FREM1: variants seen among roughly 807,000 people sequenced by gnomAD.
FREM1 encodes the protein FRAS1-related extracellular matrix protein 1.
FREM1 carries 220 observed loss-of-function variants against 210.1 expected under a neutral mutation model. That is an observed-to-expected ratio of 1.05 (90% CI 0.94 to 1.17). The LOEUF (loss-of-function observed/expected upper bound fraction) is 1.17, where lower values mean the gene tolerates loss of function less well. Ranked by LOEUF, FREM1 falls within the 50% of genes most tolerant of loss-of-function variation. The pLI is 0.00. For missense variants in FREM1, 3,454 were observed against 2,675.5 expected, an observed-to-expected ratio of 1.29 and a Z score of -6.42; for synonymous variants, 1,189 against 980.2, an observed-to-expected ratio of 1.21 and a Z score of -3.98.
intron 1 of FREM1, among the ~76,000 whole-genome samples, chr9:14,907,028 T>C (rs1004720616): frequency 4.6e-5 from 7 of 152,310 alleles, no homozygotes; most frequent in African/African-American, 1.4e-4. Flanking sequence ...CCAAATATCA[T>C]CACCTCCATA....
At chr9:14,863,978 C>T (rs1831054062) in intron 2 of FREM1, 75 bp from the exon 3 acceptor site, 2 of 884,588 alleles carry the variant, frequency 2.3e-6, no homozygotes, top group Non-Finnish European at 3.7e-6. Context: ...CAGGAGAGCA[C>T]TGCCTGGAGA....
rs536440955 is a variant in FREM1 at position 14,857,473 on chromosome 9, G to C, written c.828+80C>G. Reference sequence around the variant, plus strand: ...AGCACAGGAACTCTCCCTGGCATGGGGGCGAGCATGAGTAAGCCTGTGTAA... The same window carrying C: ...AGCACAGGAACTCTCCCTGGCATGGCGGCGAGCATGAGTAAGCCTGTGTAA... On this transcript the variant is annotated intron_variant, in intron 5 of 36. Coordinates refer to ENST00000380880, the MANE Select transcript of FREM1 (RefSeq NM_001379081.2). 1.2e-5 allele frequency: 14 copies of C among 1,193,628 alleles called. No individual in the cohort carries two copies. In the East Asian group the frequency reaches 3.0e-4, roughly 26 times the overall value. 73.9% of individuals were successfully genotyped at this position (1,193,628 alleles called of 1,614,324 possible). A position where few individuals can be genotyped will look rare whatever the true frequency, so the allele number is the denominator to read the frequency against.
chr9:14,824,684 G>C (rs772618277), intron 11 of FREM1, 112 bp downstream of exon 11: 19 of 713,832 alleles, frequency 2.7e-5, no homozygotes, highest in Non-Finnish European at 3.9e-5. Flanking sequence ...TTTCATGCCT[G>C]ACCAATGGAG....
chr9:14,772,230 G>A (rs1013144207), intron 25 of FREM1, among the ~76,000 whole-genome samples: 2 of 152,062 alleles, frequency 1.3e-5, no homozygotes, highest in African/African-American at 4.8e-5. Context: ...AAACAGATAT[G>A]TATGCAAAAA....
intron 16 of FREM1, among the ~76,000 whole-genome samples, chr9:14,810,306 G>C (rs769493012): frequency 1.3e-5 from 2 of 152,104 alleles, no homozygotes; most frequent in African/African-American, 4.8e-5. Flanking sequence ...GGAAGCATAG[G>C]ATATATTTAC....
At chr9:14,865,894 C>T (rs1316447067) in intron 2 of FREM1, among the ~76,000 whole-genome samples, 1 of 151,956 alleles carries the variant, frequency 6.6e-6, no homozygotes, top group East Asian at 1.9e-4. Context: ...CAAAGTTCTC[C>T]CATGATATAG....
intron 19 of FREM1, among the ~76,000 whole-genome samples, chr9:14,804,493 G>T (rs1378826259): frequency 6.6e-6 from 1 of 152,210 alleles, no homozygotes; most frequent in Non-Finnish European, 1.5e-5. Context: ...GCTGAGGCAG[G>T]AGAATGGCGT....
intron 25 of FREM1, among the ~76,000 whole-genome samples, chr9:14,775,365 C>T (rs1178156216): frequency 6.6e-6 from 1 of 152,090 alleles, no homozygotes; most frequent in Non-Finnish European, 1.5e-5. Context: ...TGCTGTTTTG[C>T]TGTAGATGCA....
intron 3 of FREM1, among the ~76,000 whole-genome samples, chr9:14,860,655 A>G (rs1294650376): frequency 7.1e-6 from 1 of 141,308 alleles, no homozygotes; most frequent in Non-Finnish European, 1.5e-5. Context: ...ACATATATAC[A>G]CATATATACA....
intron 27 of FREM1, among the ~76,000 whole-genome samples, chr9:14,763,824 G>A (rs1054097902): frequency 9.2e-5 from 14 of 152,184 alleles, no homozygotes; most frequent in African/African-American, 3.4e-4. Context: ...ATGCTCCAAG[G>A]AAGCACAGGT....
At chr9:14,791,327 G>T (rs1197773370) in intron 22 of FREM1, among the ~76,000 whole-genome samples, 1 of 152,134 alleles carries the variant, frequency 6.6e-6, no homozygotes, top group Non-Finnish European at 1.5e-5. Context: ...AAACCCAGGT[G>T]ACCTACCCCT....
chr9:14,843,547 A>G (rs1337404255), intron 8 of FREM1, among the ~76,000 whole-genome samples: 1 of 152,212 alleles, frequency 6.6e-6, no homozygotes, highest in Non-Finnish European at 1.5e-5. Flanking sequence ...ACATACATAG[A>G]TAGACATTCT....
chr9:14,908,427 A>G (rs1265542545), intron 1 of FREM1, among the ~76,000 whole-genome samples: 1 of 152,228 alleles, frequency 6.6e-6, no homozygotes, highest in Non-Finnish European at 1.5e-5. Context: ...TTGCTTAGCC[A>G]TGCGGGGGCA....
intron 5 of FREM1, among the ~76,000 whole-genome samples, chr9:14,852,228 G>A (rs1383551218): frequency 6.6e-6 from 1 of 152,176 alleles, no homozygotes; most frequent in Admixed American, 6.5e-5. Context: ...AGCTAGTTAA[G>A]ACCCTGGATC....
chr9:14,831,139 G>A (rs966118043), intron 10 of FREM1, among the ~76,000 whole-genome samples: 4 of 152,160 alleles, frequency 2.6e-5, no homozygotes, highest in Non-Finnish European at 4.4e-5. Flanking sequence ...AAAGTTCTGA[G>A]GCAACTGAGA....
intron 12 of FREM1, 53 bp from the exon 13 acceptor site, chr9:14,823,380 G>T (rs1257429203): frequency 4.7e-6 from 7 of 1,500,492 alleles, no homozygotes; most frequent in South Asian, 3.8e-5. Context: ...AGGATCAAAA[G>T]CTTTTAGAGG....
intron 1 of FREM1, among the ~76,000 whole-genome samples, chr9:14,870,597 A>C (rs1832464703): frequency 6.6e-6 from 1 of 152,120 alleles, no homozygotes; most frequent in Non-Finnish European, 1.5e-5. Flanking sequence ...TTATCAATAG[A>C]AAAAATACCC....
chr9:14,878,877 C>G (rs1217241451), intron 1 of FREM1, among the ~76,000 whole-genome samples: 1 of 151,936 alleles, frequency 6.6e-6, no homozygotes, highest in African/African-American at 2.4e-5. Context: ...ACAAAAAGGC[C>G]AAGCACGGTG....
rs746903635 is a variant in FREM1 at position 14,824,813 on chromosome 9, A to T, written c.2061T>A (p.Phe687Leu). The change falls in exon 11 of 37, where the codon TTT becomes TTA. Residue 687 changes from phenylalanine (F) to leucine (L), a missense_variant. Transcript: ENST00000380880. ...TCAGATACCTGTGGCTGAAGGAGAA[A>T]AATGGAGGAGTAGTTATTGTGTAGA... ...ELVYTITTPP[F>L]FSFSHRHLDA... 6.2e-7 allele frequency: 1 copy of T among 1,611,618 alleles called. No individual in the cohort carries two copies. Among genetic ancestry groups the T allele is most frequent in the East Asian group, 2.2e-5 (1 of 44,850 alleles).
Sources: gnomAD v4.1 joint callset for allele counts (sites outside exome capture counted in the v4.1 genomes callset) on GRCh38, gnomAD v4.1.1 for gene constraint, MANE v1.5 for transcripts, NCBI Gene and HGNC (gene_info 2026-07-23, HGNC 2026-07-21) for gene names.